The following PCDHA2 variants were observed in gnomAD, a reference collection of about 807,000 sequenced individuals.
PCDHA2 encodes the protein protocadherin alpha 2.
In PCDHA2, 58 loss-of-function variants were observed where a neutral mutation model predicts 66.0. The ratio of observed to expected loss-of-function variants is 0.88; its 90% CI spans 0.71 to 1.09. The LOEUF (loss-of-function observed/expected upper bound fraction) is 1.09, where lower values mean the gene tolerates loss of function less well. Among genes scored for constraint, PCDHA2 ranks in the 50% least tolerant of loss-of-function variants. The pLI, the probability that PCDHA2 is intolerant of heterozygous loss-of-function variation, is 0.00. For synonymous variants in PCDHA2, 634 were observed against 554.0 expected, an observed-to-expected ratio of 1.14 and a Z score of -2.03; for missense variants, 1,267 against 1,242.3, an observed-to-expected ratio of 1.02 and a Z score of -0.30.
rs952470653 is a variant in PCDHA2 at position 140,807,569 on chromosome 5, G to C, written c.2388+10217G>C. 10 of 1,614,178 alleles carry C rather than the reference G, an allele frequency of 6.2e-6. No homozygotes were observed. The highest frequency in any genetic ancestry group is 5.0e-5 in the Admixed American group (3 of 60,022). ...GGACGTGGAGGTGAGGGACATTAAC[G>C]ATAACCCGCCGGTGTTCCCAGCAAC... On this transcript the variant is annotated intron_variant, in intron 1 of 3. Coordinates refer to ENST00000526136, the MANE Select transcript of PCDHA2 (RefSeq NM_018905.3).
intron 1 of PCDHA2, chr5:140,883,378 C>G (rs782530143): frequency 6.2e-7 from 1 of 1,614,146 alleles, no homozygotes; most frequent in Non-Finnish European, 8.5e-7. Context: ...CCATTATTGC[C>G]CTAATCAGTG....
At chr5:140,909,428 G>A (rs2074488610) in intron 1 of PCDHA2, among the ~76,000 whole-genome samples, 1 of 152,150 alleles carries the variant, frequency 6.6e-6, no homozygotes, top group African/African-American at 2.4e-5. Context: ...TTAAACTTAT[G>A]ATAATCCACT....
intron 1 of PCDHA2, among the ~76,000 whole-genome samples, chr5:140,886,252 C>G (rs1368508838): frequency 6.6e-6 from 1 of 151,858 alleles, no homozygotes; most frequent in Non-Finnish European, 1.5e-5. Flanking sequence ...ATAAAAGTAT[C>G]TCTATTTATA....
In PCDHA2 at chr5:141,010,336, G is replaced by A. The variant is rs1297379181; in HGVS notation, c.*399G>A. ...AGATTGAGCAGCTTGGGAGTTTGTG[G>A]CCACTGGGTATGTGTGGCTACCGCG... On this transcript the variant is annotated 3_prime_UTR_variant, in exon 4 of 4. Coordinates refer to ENST00000526136, the MANE Select transcript of PCDHA2 (RefSeq NM_018905.3). 25 of 1,535,806 alleles carry A rather than the reference G, an allele frequency of 1.6e-5. No individual in the cohort carries two copies. The highest frequency in any genetic ancestry group is 2.2e-5 in the Non-Finnish European group (25 of 1,141,450).
At chr5:140,957,473 GA>G (rs1446179332) in intron 1 of PCDHA2, among the ~76,000 whole-genome samples, 1 of 151,954 alleles carries the variant, frequency 6.6e-6, no homozygotes, top group Non-Finnish European at 1.5e-5. Context: ...GTATGTATAG[GA>G]AAAAACATAG....
chr5:140,881,414 A>G, intron 1 of PCDHA2: 1 of 936,538 alleles, frequency 1.1e-6, no homozygotes, highest in African/African-American at 1.8e-5. Flanking sequence ...TCAATAGGAT[A>G]TTAGTTCCAG....
chr5:140,878,927 A>G (rs1176306554), intron 1 of PCDHA2, among the ~76,000 whole-genome samples: 1 of 152,216 alleles, frequency 6.6e-6, no homozygotes, highest in African/African-American at 2.4e-5. Context: ...TCAATCAATA[A>G]TTTTAAATAA....
chr5:140,988,119 A>T (rs1238767411), intron 3 of PCDHA2, among the ~76,000 whole-genome samples: 1 of 152,174 alleles, frequency 6.6e-6, no homozygotes, highest in Non-Finnish European at 1.5e-5. Context: ...TTTAGAAAGC[A>T]TGCTGTTCCA....
chr5:140,995,245 A>G (rs2097671494), intron 3 of PCDHA2, among the ~76,000 whole-genome samples: 1 of 152,194 alleles, frequency 6.6e-6, no homozygotes, highest in African/African-American at 2.4e-5. Flanking sequence ...ATTAAGTAAA[A>G]TAAGGGTACT....
At chr5:140,914,030 G>T (rs2076568173) in intron 1 of PCDHA2, among the ~76,000 whole-genome samples, 1 of 152,298 alleles carries the variant, frequency 6.6e-6, no homozygotes, top group East Asian at 1.9e-4. Flanking sequence ...CACGTGCTGA[G>T]AAGAATGTGT....
chr5:140,931,314 A>G (rs782684940), intron 1 of PCDHA2, among the ~76,000 whole-genome samples: 3 of 152,176 alleles, frequency 2.0e-5, no homozygotes, highest in Non-Finnish European at 4.4e-5. Context: ...GGAGAATACC[A>G]GTAATGGCTG....
intron 1 of PCDHA2, chr5:140,802,691 G>A: frequency 1.2e-6 from 2 of 1,612,968 alleles, no homozygotes; most frequent in Middle Eastern, 1.8e-4. Context: ...TGGAACGGCG[G>A]GTGGGGGAGC....
chr5:140,828,221 T>C, intron 1 of PCDHA2: 2 of 1,614,030 alleles, frequency 1.2e-6, no homozygotes, highest in Non-Finnish European at 1.7e-6. Flanking sequence ...ACACGGCACC[T>C]TCGTGGGCCG....
chr5:140,837,977 C>G (rs1377931639), intron 1 of PCDHA2, among the ~76,000 whole-genome samples: 1 of 151,682 alleles, frequency 6.6e-6, no homozygotes, highest in Non-Finnish European at 1.5e-5. Flanking sequence ...CCACACCCAG[C>G]CTGCCTTTCA....
At chr5:140,850,949 A>C in intron 1 of PCDHA2, 1 of 1,501,564 alleles carries the variant, frequency 6.7e-7, no homozygotes, top group Non-Finnish European at 8.9e-7. Flanking sequence ...GATATTATCG[A>C]TTACTCCCAG....
intron 1 of PCDHA2, chr5:140,867,114 G>A (rs567577345): frequency 6.6e-6 from 1 of 152,050 alleles, no homozygotes; most frequent in Non-Finnish European, 1.5e-5. Flanking sequence ...TTAACATATT[G>A]TTTTAATTCA....
intron 1 of PCDHA2, chr5:140,807,687 T>G (rs782423945): frequency 5.6e-6 from 9 of 1,614,228 alleles, no homozygotes; most frequent in Admixed American, 1.7e-5. Context: ...GAGAACGCCC[T>G]GCTCACTTAC....
intron 1 of PCDHA2, chr5:140,882,224 G>A (rs781909276): frequency 1.5e-5 from 24 of 1,558,680 alleles, no homozygotes; most frequent in Non-Finnish European, 1.9e-5. Flanking sequence ...TTGAGGTAAG[G>A]CGTTGTATAT....
intron 1 of PCDHA2, chr5:140,875,191 C>A: frequency 4.0e-6 from 2 of 502,492 alleles, no homozygotes; most frequent in Non-Finnish European, 6.4e-6. Flanking sequence ...TAAGAGTGAC[C>A]CAGGAAGTGG....
Sources: allele counts gnomAD v4.1 joint callset (sites outside exome capture counted in the v4.1 genomes callset), GRCh38; gene constraint gnomAD v4.1.1; transcripts MANE v1.5; gene names NCBI Gene and HGNC (gene_info 2026-07-23, HGNC 2026-07-21).